The following UNC13C variants were observed in gnomAD, a reference collection of about 807,000 sequenced individuals.
UNC13C encodes the protein protein unc-13 homolog C.
In UNC13C, 174 loss-of-function variants were observed where a neutral mutation model predicts 245.4. The ratio of observed to expected loss-of-function variants is 0.71; its 90% confidence interval spans 0.63 to 0.80. The LOEUF is 0.80. Among genes scored for constraint, UNC13C ranks in the 30% least tolerant of loss-of-function variants. UNC13C has a pLI of 0.00. For synonymous variants in UNC13C, 992 were observed against 895.1 expected, an observed-to-expected ratio of 1.11 and a Z score of -1.93; for missense variants, 2,829 against 2,602.9, an observed-to-expected ratio of 1.09 and a Z score of -1.89.
intron 2 of UNC13C, among the ~76,000 whole-genome samples, chr15:54,085,188 G>A (rs1899167239): frequency 2.0e-5 from 3 of 152,128 alleles, no homozygotes; most frequent in Admixed American, 2.0e-4. Context: ...TAAGAAGCTA[G>A]TAGAGAGTTA....
chr15:53,853,196 C>G, the UNC13C span, among the ~76,000 whole-genome samples: 1 of 152,056 alleles, frequency 6.6e-6, no homozygotes, highest in Non-Finnish European at 1.5e-5. Context: ...TGCAATAGGC[C>G]TCAGTGTGTG....
intron 4 of UNC13C, among the ~76,000 whole-genome samples, chr15:54,172,693 T>TATAC (rs1555426485): frequency 1.1e-5 from 1 of 88,478 alleles, no homozygotes. Flanking sequence ...CAAAGTCAAA[T>TATAC]ACACACACAG....
At chr15:54,329,240 G>A (rs899350688) in intron 14 of UNC13C, among the ~76,000 whole-genome samples, 2 of 151,748 alleles carry the variant, frequency 1.3e-5, no homozygotes, top group African/African-American at 2.4e-5. Flanking sequence ...GGAATAACTG[G>A]AATATCGATC....
At chr15:53,851,859 T>C in the UNC13C span, among the ~76,000 whole-genome samples, 1 of 152,230 alleles carries the variant, frequency 6.6e-6, no homozygotes, top group Admixed American at 6.5e-5. Flanking sequence ...AGGTGGTGCG[T>C]CTGGGGAGGA....
intron 19 of UNC13C, among the ~76,000 whole-genome samples, chr15:54,463,912 GCC>G (rs1317459729): frequency 2.0e-5 from 3 of 152,170 alleles, no homozygotes; most frequent in Non-Finnish European, 4.4e-5. Context: ...GAAGGGACAA[GCC>G]CAATGGAGAA....
chr15:54,606,245 A>G lies in UNC13C; in HGVS notation c.6107-16082A>G, dbSNP rs116488617. On this transcript the variant is annotated intron_variant, in intron 30 of 32. Coordinates refer to ENST00000260323, the MANE Select transcript of UNC13C (RefSeq NM_001080534.3). ...TGCTTTTCAGCACAGATTTCTAGCA[A>G]GGGCCTAAGACTTGGAATCTTATTG... Among the ~76,000 whole-genome samples, 1,149 of 152,356 alleles carry G rather than the reference A, an allele frequency of 7.5e-3. 16 individuals are homozygous for G. The highest frequency in any genetic ancestry group is 0.027 in the African/African-American group (1,116 of 41,594).
the UNC13C span, among the ~76,000 whole-genome samples, chr15:53,839,842 G>A: frequency 1.4e-4 from 22 of 151,796 alleles, no homozygotes; most frequent in Admixed American, 2.6e-4. Flanking sequence ...ATTTTGATAC[G>A]GATGTGTAAT....
chr15:54,050,226 C>T, intron 2 of UNC13C: 1 of 531,116 alleles, frequency 1.9e-6, no homozygotes, highest in Admixed American at 1.9e-5. Context: ...CCCACCTCAG[C>T]CTCCCAAAGT....
chr15:53,908,731 G>GCAAAAAAAAAAAAAAAAA, the UNC13C span, among the ~76,000 whole-genome samples: 1 of 96,518 alleles, frequency 1.0e-5, no homozygotes, highest in African/African-American at 3.6e-5. Context: ...CAGTCTGGGT[G>GCAAAAAAAAAAAAAAAAA]ACAGAATGAG....
chr15:54,613,426 G>T (rs1238437175), intron 30 of UNC13C, among the ~76,000 whole-genome samples: 1 of 151,884 alleles, frequency 6.6e-6, no homozygotes, highest in African/African-American at 2.4e-5. Context: ...CTATACAGTA[G>T]TTTAAAATAA....
intron 10 of UNC13C, among the ~76,000 whole-genome samples, chr15:54,273,032 G>T (rs940175960): frequency 2.0e-5 from 3 of 152,154 alleles, no homozygotes; most frequent in Non-Finnish European, 4.4e-5. Context: ...AAATCTCCCA[G>T]ATCTTTAGGG....
At chr15:53,855,103 T>C in the UNC13C span, among the ~76,000 whole-genome samples, 5 of 152,256 alleles carry the variant, frequency 3.3e-5, no homozygotes, top group African/African-American at 1.2e-4. Flanking sequence ...GATTGACTAT[T>C]GTTGGTGTAT....
the UNC13C span, chr15:53,955,672 A>G: frequency 6.6e-6 from 1 of 152,214 alleles, no homozygotes; most frequent in Admixed American, 6.5e-5. Context: ...TCAAGAAAAC[A>G]TGGAAAATAG....
intron 19 of UNC13C, among the ~76,000 whole-genome samples, chr15:54,489,455 C>T (rs1893591835): frequency 6.6e-6 from 1 of 152,078 alleles, no homozygotes; most frequent in Non-Finnish European, 1.5e-5. Flanking sequence ...GATACAGTTC[C>T]AACAGGGCAA....
chr15:54,158,427 C>T (rs1438117585), intron 4 of UNC13C, among the ~76,000 whole-genome samples: 3 of 151,660 alleles, frequency 2.0e-5, no homozygotes, highest in Non-Finnish European at 4.4e-5. Context: ...CTCCCGGGTT[C>T]TCACCATTCT....
chr15:54,261,896 A>C (rs928625227), intron 8 of UNC13C, among the ~76,000 whole-genome samples: 4 of 152,142 alleles, frequency 2.6e-5, no homozygotes, highest in Non-Finnish European at 5.9e-5. Flanking sequence ...TAACAGAGAA[A>C]ATGCTTAAAC....
intron 19 of UNC13C, among the ~76,000 whole-genome samples, chr15:54,463,710 G>A (rs376072840): frequency 6.6e-6 from 1 of 152,024 alleles, no homozygotes; most frequent in Non-Finnish European, 1.5e-5. Context: ...TCACTGGGAG[G>A]GTCCGCAGCT....
intron 2 of UNC13C, among the ~76,000 whole-genome samples, chr15:54,093,930 C>T (rs559902462): frequency 1.5e-4 from 23 of 152,208 alleles, no homozygotes; most frequent in African/African-American, 4.1e-4. Context: ...GTTATGAGAG[C>T]GCACTCCTTG....
At chr15:54,134,629 C>T (rs2031636369) in intron 2 of UNC13C, among the ~76,000 whole-genome samples, 1 of 152,108 alleles carries the variant, frequency 6.6e-6, no homozygotes. Context: ...ACGCCATTCT[C>T]CTGCCTTAGC....
Sources: gnomAD v4.1 joint callset for allele counts (sites outside exome capture counted in the v4.1 genomes callset) on GRCh38, gnomAD v4.1.1 for gene constraint, MANE v1.5 for transcripts, NCBI Gene and HGNC (gene_info 2026-07-23, HGNC 2026-07-21) for gene names.